RELN: variants seen among roughly 807,000 people sequenced by gnomAD.
RELN encodes the protein reelin.
Under a neutral mutation model 427.6 loss-of-function variants are expected in RELN, and 108 were observed. That is an observed-to-expected ratio of 0.25 (90% CI 0.22 to 0.30). The LOEUF (loss-of-function observed/expected upper bound fraction) is 0.30. RELN is among the 10% of genes least tolerant of loss of function. The pLI is 1.00. For missense variants in RELN, 3,715 were observed against 4,302.8 expected (o/e 0.86, Z 3.82); for synonymous variants, 1,524 against 1,513.4 (o/e 1.01, Z -0.16).
In RELN at chr7:103,723,243, G is replaced by A. The variant is rs567273313; in HGVS notation, c.754-52C>T. 1.8e-4 allele frequency: 205 copies of A among 1,123,226 alleles called. 8 individuals carry two copies. The highest frequency in any genetic ancestry group is 1.7e-3 in the South Asian group (138 of 79,970). The allele number at this position is 1,123,226 out of a possible 1,614,324, so 69.6% of individuals were successfully genotyped here. On this transcript the variant is annotated intron_variant, in intron 7 of 64. Coordinates refer to ENST00000428762, the MANE Select transcript of RELN (RefSeq NM_005045.4). ...AAGACAAGACAGAGAGGAGAAAGAG[G>A]AGAAAGATGCTGGGAGGGGTACGGG... is the stretch of plus-strand genomic sequence containing the variant.
rs577843645 is a variant in RELN at position 103,510,257 on chromosome 7, G to A, written c.8274+594C>T. On this transcript the variant is annotated intron_variant, in intron 51 of 64. Coordinates refer to ENST00000428762, the MANE Select transcript of RELN (RefSeq NM_005045.4). ...ACCAACCAAATGCCCATCAATGATA[G>A]ACTGGATAAAGAAAATGTGGCACAT... Among the ~76,000 whole-genome samples, 6 of 152,328 alleles carry A rather than the reference G, an allele frequency of 3.9e-5. No individual in the cohort carries two copies. The South Asian group carries it at 1.2e-3, about 32-fold the overall frequency.
chr7:103,848,333 T>G (rs1457963836), intron 2 of RELN, among the ~76,000 whole-genome samples: 1 of 152,192 alleles, frequency 6.6e-6, no homozygotes, highest in Non-Finnish European at 1.5e-5. Context: ...GTACAGCTAT[T>G]GACATTTTCA....
chr7:103,517,539 T>C (rs1031619957), intron 49 of RELN, among the ~76,000 whole-genome samples: 2 of 152,186 alleles, frequency 1.3e-5, no homozygotes, highest in Non-Finnish European at 2.9e-5. Flanking sequence ...CATAACTCTC[T>C]TTTCCTTGCA....
At chr7:103,757,188 G>C (rs1281637395) in intron 4 of RELN, among the ~76,000 whole-genome samples, 1 of 152,084 alleles carries the variant, frequency 6.6e-6, no homozygotes, top group African/African-American at 2.4e-5. Flanking sequence ...TATATTATAT[G>C]AACTTGGTAT....
Position 103,776,634 on chromosome 7 carries a change from A to T in RELN, c.474-7T>A. On this transcript the variant is annotated splice_region_variant and splice_polypyrimidine_tract_variant and intron_variant, in intron 3 of 64. Coordinates refer to ENST00000428762, the MANE Select transcript of RELN (RefSeq NM_005045.4). ...CCGGTGTGTTGCTGTAGCCCTGGAA[A>T]CAAATAGGAAAAGGTTAATTCAACT... The T allele has an allele frequency of 6.2e-7, 1 of 1,613,988 alleles. No individual in the cohort carries two copies. The highest frequency in any genetic ancestry group is 8.5e-7 in the Non-Finnish European group (1 of 1,179,884).
At chr7:103,957,051 A>C (rs1003746737) in intron 1 of RELN, among the ~76,000 whole-genome samples, 3 of 152,220 alleles carry the variant, frequency 2.0e-5, no homozygotes, top group Non-Finnish European at 4.4e-5. Flanking sequence ...GGCAGTGTGC[A>C]GGGAAGGAGA....
chr7:103,808,873 G>C (rs1012759813), intron 3 of RELN, among the ~76,000 whole-genome samples: 2 of 151,972 alleles, frequency 1.3e-5, no homozygotes, highest in Non-Finnish European at 2.9e-5. Flanking sequence ...ACAGAAACGG[G>C]GTTAATCCTC....
chr7:103,777,893 A>ACACACG lies in RELN; in HGVS notation c.474-1267_474-1266insCGTGTG, dbSNP rs1469636498. 3.3e-5 allele frequency among the ~76,000 whole-genome samples: 5 copies of ACACACG among 151,792 alleles called. No homozygotes were observed. In the East Asian group the frequency reaches 9.7e-4, roughly 29 times the overall value. On this transcript the variant is annotated intron_variant, in intron 3 of 64. Coordinates refer to ENST00000428762, the MANE Select transcript of RELN (RefSeq NM_005045.4). ...GAAAGTGTTATACCTTCACACACAC[A>ACACACG]CACACACACACACACACACACAATG...
At chr7:103,511,546 C>T (rs1829415574) in intron 50 of RELN, among the ~76,000 whole-genome samples, 1 of 151,934 alleles carries the variant, frequency 6.6e-6, no homozygotes, top group African/African-American at 2.4e-5. Context: ...ATAGCTTTAT[C>T]AAGATATAAC....
chr7:103,900,047 C>A (rs1390378303), intron 2 of RELN, among the ~76,000 whole-genome samples: 3 of 152,222 alleles, frequency 2.0e-5, no homozygotes, highest in South Asian at 4.1e-4. Flanking sequence ...ATTTAGAAAA[C>A]CCCATCAACT....
In RELN at chr7:103,781,423, T is replaced by C. The variant is rs377551870; in HGVS notation, c.474-4796A>G. Among the ~76,000 whole-genome samples, 21 of 152,296 alleles carry C rather than the reference T, an allele frequency of 1.4e-4. 1 individual carries two copies. Among genetic ancestry groups the C allele is most frequent in the East Asian group, 1.2e-3 (6 of 5,192 alleles). ...AATTAAGTCTCTAGAGGTTGGGTCC[T>C]CCAATTTTAAAAATTACATTGACAG... On this transcript the variant is annotated intron_variant, in intron 3 of 64. Transcript: ENST00000428762.
intron 46 of RELN, among the ~76,000 whole-genome samples, chr7:103,533,043 C>A (rs929551645): frequency 1.3e-5 from 2 of 152,206 alleles, no homozygotes; most frequent in African/African-American, 4.8e-5. Context: ...TGAATAATTG[C>A]TACTGATGAC....
intron 49 of RELN, among the ~76,000 whole-genome samples, chr7:103,518,684 C>G (rs867518262): frequency 3.3e-5 from 5 of 151,766 alleles, no homozygotes; most frequent in Admixed American, 1.3e-4. Flanking sequence ...TTCAGCCTCC[C>G]CCTGGACCCT....
At chr7:103,837,047 C>G (rs1793427726) in intron 2 of RELN, among the ~76,000 whole-genome samples, 1 of 152,152 alleles carries the variant, frequency 6.6e-6, no homozygotes, top group Non-Finnish European at 1.5e-5. Context: ...TTTCTTTCTA[C>G]TATTTTATTT....
chr7:103,609,942 G>C (rs998428707), intron 22 of RELN, among the ~76,000 whole-genome samples: 11 of 152,098 alleles, frequency 7.2e-5, no homozygotes, highest in African/African-American at 2.7e-4. Flanking sequence ...TACTTACAAG[G>C]ACCTGGCCTT....
At chr7:103,913,484 T>C (rs1795414148) in intron 2 of RELN, among the ~76,000 whole-genome samples, 1 of 152,174 alleles carries the variant, frequency 6.6e-6, no homozygotes, top group Non-Finnish European at 1.5e-5. Context: ...ATGTATTCAA[T>C]AACTCTTTTG....
rs1831732904 is a variant in RELN, at chr7:103,603,611, C to T, written c.3147-121G>A. ...CAGGTCTTATCATTCACACTAGATT[C>T]TTCCCTACAGTGTTAATCTGGGTAT... is the stretch of plus-strand genomic sequence containing the variant. On this transcript the variant is annotated intron_variant, in intron 23 of 64. Coordinates refer to ENST00000428762, the MANE Select transcript of RELN (RefSeq NM_005045.4). The surrounding 1 kb of genome is among the most constrained non-coding windows in gnomAD (Gnocchi z 4.3). 18 of 784,690 alleles carry T rather than the reference C, an allele frequency of 2.3e-5. 1 individual carries two copies. In the South Asian group the frequency reaches 2.4e-4, roughly 11 times the overall value. 48.6% of individuals were successfully genotyped at this position (784,690 alleles called of 1,614,324 possible). A position where few individuals can be genotyped will look rare whatever the true frequency, so the allele number is the denominator to read the frequency against.
At chr7:103,652,478 C>T (rs2072404) in intron 14 of RELN, 73 bp downstream of exon 14, 12 of 1,187,058 alleles carry the variant, frequency 1.0e-5, no homozygotes, top group Non-Finnish European at 1.5e-5. Context: ...TACCTAGAAA[C>T]TACCTCTTAT....
chr7:103,978,896 C>T (rs12112464), intron 1 of RELN, among the ~76,000 whole-genome samples: 4,117 of 152,308 alleles, frequency 0.027, 219 homozygotes, highest in African/African-American at 0.094. Flanking sequence ...TCCTACCCTC[C>T]CCACCCTGGA....
Sources: gnomAD v4.1 joint callset for allele counts (sites outside exome capture counted in the v4.1 genomes callset) on GRCh38, gnomAD v4.1.1 for gene constraint, Gnocchi (gnomAD v3.1) non-coding constraint, MANE v1.5 for transcripts, NCBI Gene and HGNC (gene_info 2026-07-23, HGNC 2026-07-21) for gene names.